JAG1: variants seen among roughly 807,000 people sequenced by gnomAD.
JAG1 encodes the protein protein jagged-1.
Under a neutral mutation model 148.7 loss-of-function variants are expected in JAG1, and 23 were observed. The observed-to-expected ratio is 0.15, with a 90% CI of 0.11 to 0.22. JAG1 has a LOEUF of 0.22. Among genes scored for constraint, JAG1 ranks in the 10% least tolerant of loss-of-function variants. The pLI, the probability that JAG1 is intolerant of heterozygous loss-of-function variation, is 1.00. For missense variants in JAG1, 1,054 were observed against 1,611.2 expected (o/e 0.65, Z 5.92); for synonymous variants, 572 against 598.3 (o/e 0.96, Z 0.64).
intron 4 of JAG1, among the ~76,000 whole-genome samples, chr20:10,656,851 A>C (rs926010599): frequency 1.1e-4 from 17 of 147,934 alleles, no homozygotes; most frequent in African/African-American, 4.3e-4. Flanking sequence ...ACCAGGACAC[A>C]TTCAGATGAG....
At chr20:10,650,203 A>C (rs946309175) in intron 9 of JAG1, 44 bp downstream of exon 9, 3 of 1,319,562 alleles carry the variant, frequency 2.3e-6, no homozygotes, top group Non-Finnish European at 3.3e-6. Flanking sequence ...TGACAATCAA[A>C]GCCAACCTTG....
intron 2 of JAG1, among the ~76,000 whole-genome samples, chr20:10,669,737 A>T (rs756804063): frequency 6.6e-6 from 1 of 152,078 alleles, no homozygotes; most frequent in African/African-American, 2.4e-5. Context: ...TGGGGTTCTG[A>T]AGTTCCCAAA....
rs1359447188 is a variant in JAG1 at position 10,646,578 on chromosome 20, GT to G, written c.1885+360del. On this transcript the variant is annotated intron_variant, in intron 14 of 25. Transcript: ENST00000254958. ...AGCACTTTGGGAGGCCAAGTTGGGG[GT>G]CGGGGGGTGGATCATCTGAGGCTGG... Among the ~76,000 whole-genome samples the G allele has an allele frequency of 3.2e-4, 49 of 151,574 alleles. 2 individuals are homozygous for G. Among genetic ancestry groups the G allele is most frequent in the Admixed American group, 2.0e-3 (30 of 14,914 alleles).
intron 5 of JAG1, among the ~76,000 whole-genome samples, chr20:10,655,041 A>G (rs1357179358): frequency 6.6e-6 from 1 of 152,234 alleles, no homozygotes; most frequent in African/African-American, 2.4e-5. Context: ...GTTAAATACT[A>G]CAGTCCATCG....
At position 10,673,339 on chromosome 20, in the gene JAG1, G is replaced by T; in HGVS notation, c.81+111C>A. 1 of 824,028 alleles carries T rather than the reference G, an allele frequency of 1.2e-6. No homozygotes were observed. Among genetic ancestry groups the T allele is most frequent in the Non-Finnish European group, 1.9e-6 (1 of 536,252 alleles). 51.0% of individuals were successfully genotyped at this position (824,028 alleles called of 1,614,324 possible). ...TGCAGCCGCTCGGGCGCAGGGGCGA[G>T]GAGTCGGGCGCTCGAGGGCTGCCGA... On this transcript the variant is annotated intron_variant, in intron 1 of 25. Transcript: ENST00000254958. This position sits in a 1 kb window ranked among gnomAD's most constrained non-coding sequence, Gnocchi z 4.7.
At chr20:10,659,683 T>C (rs540275086) in intron 3 of JAG1, among the ~76,000 whole-genome samples, 2 of 149,250 alleles carry the variant, frequency 1.3e-5, no homozygotes, top group Admixed American at 6.8e-5. Context: ...AGAAGGCAGA[T>C]GGGAGAATAA....
Position 10,648,692 on chromosome 20 carries a change from G to T in JAG1, c.1426C>A (p.Pro476Thr). 1 of 1,614,206 alleles carries T rather than the reference G, an allele frequency of 6.2e-7. No individual in the cohort carries two copies. Among genetic ancestry groups the T allele is most frequent in the Non-Finnish European group, 8.5e-7 (1 of 1,180,020 alleles). Residue 476 changes from proline (P) to threonine (T), a missense_variant, in exon 12 of 26, where the codon CCA becomes ACA. Pro to Thr is a conservative substitution (Grantham distance 38). This residue lies in a region of JAG1 where 245 missense variants were observed against 373.1 expected (regional missense o/e 0.66). Transcript: ENST00000254958. The stretch of plus-strand genomic sequence containing the variant: ...CAGTGATCGCCTGCATAGCCAGGTG[G>T]ACAGATACAGCGATAACCATTAACC... ...DLVNGYRCIC[P>T]PGYAGDHCER...
Position 10,644,976 on chromosome 20 carries a change from C to T in JAG1, c.2231G>A (p.Arg744Gln), listed in dbSNP as rs147809756. The T allele has an allele frequency of 1.0e-3, 1,636 of 1,612,916 alleles. 3 individuals carry two copies. The highest frequency in any genetic ancestry group is 1.5e-3 in the Middle Eastern group (9 of 6,052). The change falls in exon 18 of 26, where the codon CGA becomes CAA. Residue 744 changes from arginine (R) to glutamine (Q), a missense_variant. This residue lies in a region of JAG1 where 342 missense variants were observed against 514.6 expected (regional missense o/e 0.66). Transcript: ENST00000254958. ...GWEGTTCNIA[R>Q]NSSCLPNPCH... Reference sequence around the variant, plus strand: ...GGGGTTGGGCAGGCAGCTACTGTTTCGGGCTATAAAAGAAGAGCAGACACG... The same window carrying T: ...GGGGTTGGGCAGGCAGCTACTGTTTTGGGCTATAAAAGAAGAGCAGACACG...
intron 4 of JAG1, among the ~76,000 whole-genome samples, chr20:10,657,417 C>G (rs1239399975): frequency 6.6e-6 from 1 of 151,042 alleles, no homozygotes; most frequent in Non-Finnish European, 1.5e-5. Context: ...TTTTAAAACA[C>G]ACTAAAATAT....
chr20:10,644,567 C>A, intron 18 of JAG1, 183 bp from the exon 19 acceptor site: 1 of 679,158 alleles, frequency 1.5e-6, no homozygotes, highest in South Asian at 1.7e-5. Flanking sequence ...CTGTGGGACA[C>A]ATGTACACAG....
intron 4 of JAG1, among the ~76,000 whole-genome samples, chr20:10,657,071 G>A (rs2067384238): frequency 6.6e-6 from 1 of 152,104 alleles, no homozygotes; most frequent in Non-Finnish European, 1.5e-5. Flanking sequence ...TCTAAAAAAT[G>A]TCAGTTTCTA....
At chr20:10,652,024 A>C in intron 7 of JAG1, 107 bp downstream of exon 7, 1 of 1,282,786 alleles carries the variant, frequency 7.8e-7, no homozygotes, top group Non-Finnish European at 1.1e-6. Flanking sequence ...CTATCTTTGG[A>C]AGCTATTTTC....
rs779802470 is a variant in JAG1 at position 10,646,997 on chromosome 20, C to T, written c.1827G>A (p.Ser609=). 1.4e-5 allele frequency: 23 copies of T among 1,614,046 alleles called. No individual in the cohort carries two copies. Among genetic ancestry groups the T allele is most frequent in the South Asian group, 6.6e-5 (6 of 91,086 alleles). Residue 609 remains serine (S), a synonymous_variant, in exon 14 of 26, where the codon TCG becomes TCA. Transcript: ENST00000254958. ...TACAGTCACAGGTGAATTTGCCTCC[C>T]GACTGACTCTTGCACTTCCCGTGAG... ...CGPHGKCKSQ[S]GGKFTCDCNK...
At chr20:10,642,062 C>T (rs1274601080) in intron 21 of JAG1, among the ~76,000 whole-genome samples, 170 bp from the exon 22 acceptor site, 2 of 152,160 alleles carry the variant, frequency 1.3e-5, no homozygotes, top group Non-Finnish European at 2.9e-5. Context: ...CTGCGCTTGG[C>T]CACAAGACTT....
chr20:10,662,212 C>T (rs977303799), intron 3 of JAG1: 2 of 152,190 alleles, frequency 1.3e-5, no homozygotes, highest in African/African-American at 4.8e-5. Flanking sequence ...CTCAGTCTTT[C>T]TTGTCCTCTT....
intron 2 of JAG1, among the ~76,000 whole-genome samples, chr20:10,665,575 T>C (rs954483566): frequency 1.3e-5 from 2 of 152,284 alleles, no homozygotes; most frequent in South Asian, 4.1e-4. Context: ...CAGCAAGAAA[T>C]TATATTTCTC....
At chr20:10,648,131 G>A (rs776939569) in intron 12 of JAG1, 21 bp from the exon 13 acceptor site, 30 of 1,613,960 alleles carry the variant, frequency 1.9e-5, no homozygotes, top group Admixed American at 3.3e-5. Flanking sequence ...CAGGAACAGC[G>A]AAAAGGGGGA....
At position 10,673,513 on chromosome 20, in the gene JAG1, C is replaced by A. The variant is rs576539291; in HGVS notation, c.18G>T (p.Thr6=). MRSPR[T]RGRSGRPLSL... ...TTAGGGGGCGCCCGGACCGGCCGCG[C>A]GTCCGTGGGGAACGCATCGCTGCGC... Residue 6 remains threonine, a synonymous_variant, in exon 1 of 26, where the codon ACG becomes ACT. Coordinates refer to ENST00000254958, the MANE Select transcript of JAG1 (RefSeq NM_000214.3). The surrounding 1 kb of genome is among the most constrained non-coding windows in gnomAD (Gnocchi z 4.7). 1.6e-6 allele frequency: 2 copies of A among 1,263,474 alleles called. No homozygotes were observed. Among genetic ancestry groups the A allele is most frequent in the African/African-American group, 3.1e-5 (2 of 64,272 alleles). The allele number at this position is 1,263,474 out of a possible 1,614,324, so 78.3% of individuals were successfully genotyped here.
Position 10,641,533 on chromosome 20 carries a change from C to T in JAG1, c.2843G>A (p.Cys948Tyr). 1.9e-6 allele frequency: 3 copies of T among 1,614,210 alleles called. No individual in the cohort carries two copies. Among genetic ancestry groups the T allele is most frequent in the Non-Finnish European group, 2.5e-6 (3 of 1,180,038 alleles). ...ATCCTGGTAATAGGAGTCAGAGGTG[C>T]ACTTTGTCTTCACCGGCTGGAGACT... ...SSSLQPVKTK[C>Y]TSDSYYQDNC... The change falls in exon 23 of 26, where the codon TGC (cysteine) becomes TAC (tyrosine). Residue 948 changes from cysteine to tyrosine, a missense_variant. Coordinates refer to ENST00000254958, the MANE Select transcript of JAG1 (RefSeq NM_000214.3).
Sources: allele counts gnomAD v4.1 joint callset (sites outside exome capture counted in the v4.1 genomes callset), GRCh38; gene constraint gnomAD v4.1.1; regional missense constraint gnomAD v4.1.1; non-coding constraint Gnocchi (gnomAD v3.1); transcripts MANE v1.5; gene names NCBI Gene and HGNC (gene_info 2026-07-23, HGNC 2026-07-21).